The following AGBL1 variants were observed in gnomAD, a reference collection of about 807,000 sequenced individuals.
The protein encoded by AGBL1 is cytosolic carboxypeptidase 4.
Under a neutral mutation model 118.9 loss-of-function variants are expected in AGBL1, and 130 were observed. The ratio of observed to expected loss-of-function variants is 1.09; its 90% CI spans 0.95 to 1.26. The LOEUF is 1.26. AGBL1 is among the 50% of genes most tolerant of loss of function. AGBL1 has a pLI of 0.00. For missense variants in AGBL1, 1,584 were observed against 1,298.1 expected (o/e 1.22, Z -3.38); for synonymous variants, 555 against 478.9 (o/e 1.16, Z -2.08).
At chr15:86,358,777 G>A (rs892917329) in intron 17 of AGBL1, among the ~76,000 whole-genome samples, 2 of 151,888 alleles carry the variant, frequency 1.3e-5, no homozygotes, top group Admixed American at 6.6e-5. Context: ...GATTATTGAC[G>A]CTGAGCATCT....
chr15:86,746,503 C>A (rs1275247819), intron 22 of AGBL1, among the ~76,000 whole-genome samples: 2 of 152,100 alleles, frequency 1.3e-5, no homozygotes, highest in Admixed American at 6.6e-5. Context: ...AGACTTATCA[C>A]CCCATATTAT....
chr15:86,542,405 T>C (rs2083514870), intron 19 of AGBL1, among the ~76,000 whole-genome samples: 1 of 146,874 alleles, frequency 6.8e-6, no homozygotes, highest in Admixed American at 6.8e-5. Context: ...TTGTTCTTTT[T>C]GACCAGGCTG....
At chr15:86,367,613 T>C (rs941246435) in intron 17 of AGBL1, among the ~76,000 whole-genome samples, 2 of 152,042 alleles carry the variant, frequency 1.3e-5, no homozygotes, top group Non-Finnish European at 2.9e-5. Flanking sequence ...AAGTTTCTTT[T>C]ACCAGAAGAA....
rs1286363378 is a variant in AGBL1 at position 86,154,374 on chromosome 15, G to A, written c.263-56G>A. On this transcript the variant is annotated intron_variant, in intron 3 of 22. Coordinates refer to ENST00000614907, the MANE Select transcript of AGBL1 (RefSeq NM_001386094.1). The stretch of plus-strand genomic sequence containing the variant: ...TTCCCCTTCCTCCACTGTACTCATT[G>A]TACAATCCAGAATCAATGTGAAGTG... The A allele has an allele frequency of 4.4e-6, 7 of 1,580,306 alleles. No individual in the cohort carries two copies. In the Admixed American group the frequency reaches 1.1e-4, roughly 24 times the overall value.
At chr15:86,536,041 C>T (rs2083421624) in intron 19 of AGBL1, among the ~76,000 whole-genome samples, 1 of 152,100 alleles carries the variant, frequency 6.6e-6, no homozygotes, top group Non-Finnish European at 1.5e-5. Context: ...CATAAAGGTC[C>T]TGAATTAAAA....
At chr15:86,296,908 C>CTTCT (rs2079654309) in intron 17 of AGBL1, 1 of 152,138 alleles carries the variant, frequency 6.6e-6, no homozygotes, top group South Asian at 2.1e-4. Context: ...AAGAGTTGAG[C>CTTCT]AGAACTCTGA....
At chr15:86,968,198 G>C (rs1185983230) in intron 23 of AGBL1, among the ~76,000 whole-genome samples, 1 of 151,860 alleles carries the variant, frequency 6.6e-6, no homozygotes, top group Non-Finnish European at 1.5e-5. Context: ...ATTGGATTTG[G>C]AGTCAGAAAG....
chr15:86,527,326 A>G (rs2083281023), intron 19 of AGBL1, among the ~76,000 whole-genome samples: 1 of 152,218 alleles, frequency 6.6e-6, no homozygotes, highest in Admixed American at 6.5e-5. Flanking sequence ...CAGAACATTT[A>G]TTTTAAAGCA....
intron 23 of AGBL1, among the ~76,000 whole-genome samples, chr15:86,975,379 C>A (rs1406092789): frequency 2.6e-5 from 4 of 151,952 alleles, no homozygotes; most frequent in African/African-American, 4.8e-5. Flanking sequence ...GAGACTTATT[C>A]ACCATCACCA....
intron 21 of AGBL1, among the ~76,000 whole-genome samples, chr15:86,593,268 A>C (rs1357662527): frequency 2.0e-5 from 3 of 151,004 alleles, no homozygotes; most frequent in Non-Finnish European, 4.4e-5. Flanking sequence ...CAACTTGTGG[A>C]ATCAGCTCTT....
chr15:86,533,271 A>G (rs963708625), intron 19 of AGBL1, among the ~76,000 whole-genome samples: 2 of 108,306 alleles, frequency 1.8e-5, no homozygotes, highest in African/African-American at 8.9e-5. Context: ...ACAAGAAAAA[A>G]ACAAACAACC....
At chr15:86,400,039 A>G (rs1157637870) in intron 18 of AGBL1, among the ~76,000 whole-genome samples, 1 of 152,182 alleles carries the variant, frequency 6.6e-6, no homozygotes, top group Non-Finnish European at 1.5e-5. Flanking sequence ...GCCTGAATGG[A>G]TAATGCCTCA....
At chr15:86,874,381 GACACAC>G (rs58756904) in intron 22 of AGBL1, among the ~76,000 whole-genome samples, 466 of 149,014 alleles carry the variant, frequency 3.1e-3, no homozygotes, top group Non-Finnish European at 5.6e-3. Context: ...TTGTGGGTGG[GACACAC>G]ACACACACAC....
At chr15:86,834,222 A>G (rs1285706342) in intron 22 of AGBL1, among the ~76,000 whole-genome samples, 1 of 152,196 alleles carries the variant, frequency 6.6e-6, no homozygotes, top group African/African-American at 2.4e-5. Context: ...CAACCACGGT[A>G]TCCCAATAAT....
chr15:86,661,414 A>G (rs2085537312), intron 21 of AGBL1, among the ~76,000 whole-genome samples: 1 of 152,000 alleles, frequency 6.6e-6, no homozygotes, highest in Non-Finnish European at 1.5e-5. Flanking sequence ...TGTACATAGT[A>G]AAAGCTAATT....
At chr15:86,363,478 A>G (rs1189112978) in intron 17 of AGBL1, among the ~76,000 whole-genome samples, 1 of 151,820 alleles carries the variant, frequency 6.6e-6, no homozygotes, top group Non-Finnish European at 1.5e-5. Context: ...ATTCTTCATG[A>G]CCCTTTTGTA....
intron 13 of AGBL1, among the ~76,000 whole-genome samples, chr15:86,267,491 T>A (rs575442324): frequency 6.6e-6 from 1 of 152,314 alleles, no homozygotes; most frequent in African/African-American, 2.4e-5. Context: ...CCTGCACTTC[T>A]CTATGCCTGT....
At chr15:86,221,148 A>G (rs150602918) in intron 5 of AGBL1, among the ~76,000 whole-genome samples, 2 of 152,168 alleles carry the variant, frequency 1.3e-5, no homozygotes, top group Non-Finnish European at 2.9e-5. Context: ...CAGTGAGCTG[A>G]GATTGTACAA....
chr15:86,585,504 G>C (rs1300163073), intron 21 of AGBL1, among the ~76,000 whole-genome samples: 2 of 152,028 alleles, frequency 1.3e-5, no homozygotes, highest in Non-Finnish European at 2.9e-5. Context: ...TGGAAATACA[G>C]GTGTGTGCCA....
Sources: gnomAD v4.1 joint callset for allele counts (sites outside exome capture counted in the v4.1 genomes callset) on GRCh38, gnomAD v4.1.1 for gene constraint, MANE v1.5 for transcripts, NCBI Gene and HGNC (gene_info 2026-07-23, HGNC 2026-07-21) for gene names.